The following ERCC6L2 variants were observed in gnomAD, a reference collection of about 807,000 sequenced individuals.
ERCC6L2 encodes ERCC excision repair 6 like 2, also known as DNA excision repair protein ERCC-6-like 2.
In ERCC6L2, 77 loss-of-function variants were observed where a neutral mutation model predicts 132.0. The ratio of observed to expected loss-of-function variants is 0.58; its 90% CI spans 0.49 to 0.71. ERCC6L2 has a LOEUF of 0.71. Ranked by LOEUF, ERCC6L2 falls within the 30% of genes least tolerant of loss-of-function variation. The pLI is 0.00. For missense variants in ERCC6L2, 1,542 were observed against 1,837.6 expected (o/e 0.84, Z 2.94); for synonymous variants, 583 against 632.4 (o/e 0.92, Z 1.17).
intron 12 of ERCC6L2, among the ~76,000 whole-genome samples, chr9:95,942,935 A>G (rs1022938290): frequency 1.3e-5 from 2 of 152,180 alleles, no homozygotes; most frequent in Non-Finnish European, 2.9e-5. Context: ...AAAGGAAAAG[A>G]TACATTGTTA....
intron 2 of ERCC6L2, among the ~76,000 whole-genome samples, chr9:95,891,046 C>T (rs1828133536): frequency 6.6e-6 from 1 of 152,168 alleles, no homozygotes; most frequent in Non-Finnish European, 1.5e-5. Flanking sequence ...AACTCTGTCT[C>T]TACTAAAAAT....
intron 18 of ERCC6L2, among the ~76,000 whole-genome samples, chr9:96,008,528 C>T (rs1354010814): frequency 6.6e-6 from 1 of 152,176 alleles, no homozygotes; most frequent in Admixed American, 6.5e-5. Flanking sequence ...AGTTCTTCCC[C>T]ATGTTTCTCA....
rs751231172 is a variant in ERCC6L2 at position 95,972,032 on chromosome 9, G to A, written c.2281G>A (p.Glu761Lys). ...CDLCSDFSDE[E>K]PVGATGIKTA... Reference sequence around the variant, plus strand: ...TCTCTGCAGTGACTTCAGTGATGAAGAGCCAGTGGGAGCCACAGGAATAAA... The same window carrying A: ...TCTCTGCAGTGACTTCAGTGATGAAAAGCCAGTGGGAGCCACAGGAATAAA... Residue 761 changes from glutamate (E) to lysine (K), a missense_variant, in exon 16 of 19, where the codon GAG becomes AAG. By Grantham distance (56) the Glu-to-Lys change is moderately conservative. This residue lies in a region of ERCC6L2 where 945 missense variants were observed against 1,105.2 expected (regional missense o/e 0.86). Transcript: ENST00000653738. 1 of 1,304,262 alleles carries A rather than the reference G, an allele frequency of 7.7e-7. No homozygotes were observed. The highest frequency in any genetic ancestry group is 1.2e-5 in the South Asian group (1 of 81,016). The allele number at this position is 1,304,262 out of a possible 1,614,324, so 80.8% of individuals were successfully genotyped here.
At chr9:95,922,902 A>G (rs1236604621) in intron 8 of ERCC6L2, among the ~76,000 whole-genome samples, 5 of 151,730 alleles carry the variant, frequency 3.3e-5, no homozygotes, top group Non-Finnish European at 1.5e-5. Context: ...TAATGATTTT[A>G]TATTTTTTTC....
intron 12 of ERCC6L2, among the ~76,000 whole-genome samples, chr9:95,947,314 C>T (rs1363226340): frequency 6.6e-6 from 1 of 152,186 alleles, no homozygotes; most frequent in Non-Finnish European, 1.5e-5. Context: ...CCACAGCATT[C>T]CATTAAACCA....
intron 9 of ERCC6L2, among the ~76,000 whole-genome samples, chr9:95,925,539 T>C (rs1214459463): frequency 1.3e-5 from 2 of 152,188 alleles, no homozygotes; most frequent in African/African-American, 4.8e-5. Context: ...TTGTTAAGAC[T>C]CCAACATCTG....
At chr9:95,941,771 TAAG>T (rs1663538968) in intron 12 of ERCC6L2, among the ~76,000 whole-genome samples, 2 of 152,116 alleles carry the variant, frequency 1.3e-5, no homozygotes, top group Admixed American at 6.5e-5. Context: ...AGAAATGACT[TAAG>T]AAGAAAGAAT....
At chr9:95,881,644 A>G (rs1187011918) in intron 2 of ERCC6L2, among the ~76,000 whole-genome samples, 1 of 152,234 alleles carries the variant, frequency 6.6e-6, no homozygotes, top group African/African-American at 2.4e-5. Flanking sequence ...GTTATGCCAC[A>G]TAGCATGGTT....
chr9:95,952,840 T>TAA lies in ERCC6L2; in HGVS notation c.1848-3063_1848-3062dup, dbSNP rs34446922. On this transcript the variant is annotated intron_variant, in intron 12 of 18. Transcript: ENST00000653738. ...GGGCAACAGAGTGACTCCGTCTCAA[T>TAA]AAAAAAAAAAAAGGAAACTACTTCA... 3.6e-3 allele frequency among the ~76,000 whole-genome samples: 501 copies of TAA among 139,674 alleles called. 1 individual carries two copies. The highest frequency in any genetic ancestry group is 5.6e-3 in the Non-Finnish European group (354 of 63,720). The allele number at this position is 139,674 out of a possible 152,430, so 91.6% of individuals were successfully genotyped here. A position where few individuals can be genotyped will look rare whatever the true frequency, so the allele number is the denominator to read the frequency against.
chr9:96,011,136 C>T (rs764984930), intron 18 of ERCC6L2, among the ~76,000 whole-genome samples: 4 of 152,222 alleles, frequency 2.6e-5, no homozygotes, highest in Non-Finnish European at 5.9e-5. Context: ...GTGGCTTAAA[C>T]AACAGAAATT....
intron 12 of ERCC6L2, among the ~76,000 whole-genome samples, chr9:95,944,592 A>C (rs1310253952): frequency 1.3e-5 from 2 of 152,212 alleles, no homozygotes; most frequent in Non-Finnish European, 2.9e-5. Context: ...TCTCAACTCC[A>C]CTTTGAAAAA....
At chr9:95,913,334 A>G (rs1032039195) in intron 4 of ERCC6L2, among the ~76,000 whole-genome samples, 1 of 152,240 alleles carries the variant, frequency 6.6e-6, no homozygotes, top group Non-Finnish European at 1.5e-5. Context: ...ACTTTAAAAA[A>G]GCAAGGTGAA....
chr9:95,892,450 A>G (rs1383498229), intron 2 of ERCC6L2, among the ~76,000 whole-genome samples: 2 of 146,650 alleles, frequency 1.4e-5, no homozygotes, highest in East Asian at 2.0e-4. Context: ...TTTTGAGGCA[A>G]GGTCCTGCTC....
chr9:95,881,012 A>T lies in ERCC6L2; in HGVS notation c.190A>T (p.Ile64Leu), dbSNP rs146034461. ...ATATGCAGATTTTCAAGAAAGGAAA[A>T]TACCTCTTAAACAGCTTCAAGAAGT... Reference protein sequence around the residue: ...VLYADFQERKIPLKQLQEVKF... With the variant: ...VLYADFQERKLPLKQLQEVKF... The change falls in exon 2 of 19, where the codon ATA (isoleucine) becomes TTA (leucine). Residue 64 changes from isoleucine (I) to leucine (L), a missense_variant. Coordinates refer to ENST00000653738, the MANE Select transcript of ERCC6L2 (RefSeq NM_020207.7). The T allele has an allele frequency of 2.5e-6, 4 of 1,614,068 alleles. No individual in the cohort carries two copies. Among genetic ancestry groups the T allele is most frequent in the Non-Finnish European group, 3.4e-6 (4 of 1,179,942 alleles).
At chr9:96,019,565 A>G (rs537849130), downstream of ERCC6L2, among the ~76,000 whole-genome samples, 105 of 152,186 alleles carry the variant, frequency 6.9e-4, 1 homozygote, top group Middle Eastern at 6.8e-3. Context: ...TGGAGCCTCA[A>G]TGACCTGCCC....
At chr9:96,018,548 C>T (rs1375275635), downstream of ERCC6L2, among the ~76,000 whole-genome samples, 1 of 151,914 alleles carries the variant, frequency 6.6e-6, no homozygotes, top group Non-Finnish European at 1.5e-5. Context: ...GCAGCCTCGA[C>T]CTCCCAGGAT....
chr9:95,878,761 G>C (rs1158913328), intron 1 of ERCC6L2, among the ~76,000 whole-genome samples: 1 of 150,702 alleles, frequency 6.6e-6, no homozygotes, highest in Non-Finnish European at 1.5e-5. Flanking sequence ...GCGGTGTTTG[G>C]TTTTTTGTTC....
At chr9:95,906,582 T>C in intron 3 of ERCC6L2, 1 of 446,836 alleles carries the variant, frequency 2.2e-6, no homozygotes, top group Non-Finnish European at 4.5e-6. Flanking sequence ...TGCTTCAATT[T>C]TCCAGTGAAT....
intron 19 of ERCC6L2, among the ~76,000 whole-genome samples, chr9:96,036,687 G>GT (rs1834522051): frequency 1.3e-5 from 2 of 151,598 alleles, no homozygotes; most frequent in East Asian, 1.9e-4. Flanking sequence ...ATTAGTTGAT[G>GT]TTTTTTTCCT....
Sources: gnomAD v4.1 joint callset for allele counts (sites outside exome capture counted in the v4.1 genomes callset) on GRCh38, gnomAD v4.1.1 for gene constraint, gnomAD v4.1.1 regional missense constraint, MANE v1.5 for transcripts, NCBI Gene and HGNC (gene_info 2026-07-23, HGNC 2026-07-21) for gene names.